SLC19A1: variants seen among roughly 807,000 people sequenced by gnomAD.
SLC19A1 encodes solute carrier family 19 member 1.
In SLC19A1, 37 loss-of-function variants were observed where a neutral mutation model predicts 35.3. The ratio of observed to expected loss-of-function variants is 1.05; its 90% CI spans 0.81 to 1.38. The LOEUF is 1.38. Among genes scored for constraint, SLC19A1 ranks in the 40% most tolerant of loss-of-function variants. SLC19A1 has a pLI of 0.00. For missense variants in SLC19A1, 831 were observed against 826.9 expected (o/e 1.00, Z -0.06); for synonymous variants, 460 against 398.5 (o/e 1.15, Z -1.84).
upstream of SLC19A1, chr21:45,542,511 G>A (rs1232885698): frequency 1.3e-5 from 2 of 150,894 alleles, no homozygotes; most frequent in Non-Finnish European, 3.0e-5. Context: ...GCGTCCTGAG[G>A]GCGGGGCCTC....
chr21:45,507,642 G>A (rs548016223), downstream of SLC19A1: 1 of 1,561,596 alleles, frequency 6.4e-7, no homozygotes, highest in East Asian at 2.2e-5. Flanking sequence ...AGGACATGAG[G>A]GGGTATGTGC....
At position 45,534,485 on chromosome 21, in the gene SLC19A1, A is replaced by G; in HGVS notation, c.190-2337T>C. The G allele has an allele frequency of 2.9e-6, 4 of 1,372,702 alleles. No homozygotes were observed. Among genetic ancestry groups the G allele is most frequent in the Non-Finnish European group, 4.0e-6 (4 of 998,772 alleles). The allele number at this position is 1,372,702 out of a possible 1,614,324, so 85.0% of individuals were successfully genotyped here. On this transcript the variant is annotated intron_variant, in intron 2 of 5. Transcript: ENST00000311124. This position sits in a 1 kb window ranked among gnomAD's most constrained non-coding sequence, Gnocchi z 4.2. ...CAGCCAGCAGAGAGGCTCTCCCCAG[A>G]CCCCACGGCTCTCTGGAAAAGGGCG...
At chr21:45,521,592 T>C (rs1246235432) in intron 5 of SLC19A1, among the ~76,000 whole-genome samples, 1 of 152,194 alleles carries the variant, frequency 6.6e-6, no homozygotes, top group Non-Finnish European at 1.5e-5. Context: ...GTTGGAGGAA[T>C]CAAGTCTATC....
chr21:45,503,944 G>C, intron 3 of SLC19A1: 7 of 1,575,254 alleles, frequency 4.4e-6, no homozygotes, highest in Non-Finnish European at 5.2e-6. Flanking sequence ...AGTGCTGGGG[G>C]CTGCAGAGGG....
intron 1 of SLC19A1, among the ~76,000 whole-genome samples, chr21:45,549,465 G>C (rs1407661098): frequency 6.6e-6 from 1 of 151,038 alleles, no homozygotes; most frequent in Non-Finnish European, 1.5e-5. Flanking sequence ...CGATAAAATT[G>C]TTTTTTAAAA....
At chr21:45,560,843 G>A (rs992917578) in intron 1 of SLC19A1, among the ~76,000 whole-genome samples, 5 of 152,178 alleles carry the variant, frequency 3.3e-5, no homozygotes, top group African/African-American at 7.2e-5. Flanking sequence ...CCGGAGAATC[G>A]GCGCTGTCCT....
At chr21:45,504,640 C>A in intron 3 of SLC19A1, 1 of 1,274,032 alleles carries the variant, frequency 7.8e-7, no homozygotes, top group Non-Finnish European at 1.1e-6. Context: ...CGGCCTTCGA[C>A]ACCCGCGAAG....
intron 3 of SLC19A1, among the ~76,000 whole-genome samples, chr21:45,504,849 G>A (rs2037094654): frequency 6.6e-6 from 1 of 152,116 alleles, no homozygotes; most frequent in Non-Finnish European, 1.5e-5. Flanking sequence ...CAGGGTTTAG[G>A]CCCATCAGTC....
intron 3 of SLC19A1, among the ~76,000 whole-genome samples, chr21:45,504,799 C>T (rs978248144): frequency 4.6e-5 from 7 of 152,140 alleles, no homozygotes; most frequent in Admixed American, 2.0e-4. Flanking sequence ...GCTGGGGCCA[C>T]GTGCATCCAC....
chr21:45,528,069 G>T (rs1295094173), intron 4 of SLC19A1, among the ~76,000 whole-genome samples: 1 of 152,058 alleles, frequency 6.6e-6, no homozygotes, highest in African/African-American at 2.4e-5. Context: ...ACTGGAGACG[G>T]GGGGACAGTG....
In SLC19A1 at chr21:45,532,197, C is replaced by A. The variant is rs900270167; in HGVS notation, c.190-49G>T. On this transcript the variant is annotated intron_variant, in intron 2 of 5. Coordinates refer to ENST00000311124, the MANE Select transcript of SLC19A1 (RefSeq NM_194255.4). ...CCACCAGGTGTTAGCAATGCTGCCG[C>A]TGCGGCAGACACAGCCCGCCCGAGG... The A allele has an allele frequency of 2.0e-6, 3 of 1,481,592 alleles. No homozygotes were observed. In the African/African-American group the frequency reaches 4.2e-5, roughly 21 times the overall value. The allele number at this position is 1,481,592 out of a possible 1,614,324, so 91.8% of individuals were successfully genotyped here.
chr21:45,513,545 C>CT lies in SLC19A1; in HGVS notation c.*2112_*2113insA, dbSNP rs143456926. The stretch of plus-strand genomic sequence containing the variant: ...ACCCCTGAGATCCGGCAACATCAAC[C>CT]CGAGTCATTCGTTCTGTGGAGGGAC... On this transcript the variant is annotated 3_prime_UTR_variant, in exon 6 of 6. Transcript: ENST00000311124. 2 of 110,148 alleles carry CT rather than the reference C, an allele frequency of 1.8e-5. No individual in the cohort carries two copies. Among genetic ancestry groups the CT allele is most frequent in the African/African-American group, 9.0e-5 (2 of 22,114 alleles). 6.8% of individuals were successfully genotyped at this position (110,148 alleles called of 1,614,324 possible). A position where few individuals can be genotyped will look rare whatever the true frequency, so the allele number is the denominator to read the frequency against.
intron 3 of SLC19A1, chr21:45,503,828 G>C (rs946045594): frequency 7.8e-5 from 33 of 425,126 alleles, no homozygotes; most frequent in Non-Finnish European, 1.2e-4. Context: ...AAATAAAAAG[G>C]CACCATTAAC....
intron 3 of SLC19A1, chr21:45,505,547 A>C (rs1161076725): frequency 1.4e-6 from 1 of 710,676 alleles, no homozygotes; most frequent in South Asian, 1.5e-5. Context: ...ACAGGAGGCC[A>C]AGATGCGGTT....
At chr21:45,560,906 G>A (rs181045270) in intron 1 of SLC19A1, among the ~76,000 whole-genome samples, 13 of 152,352 alleles carry the variant, frequency 8.5e-5, no homozygotes, top group East Asian at 3.9e-4. Context: ...GCGCTCTCAC[G>A]GCTGGCGGAG....
chr21:45,538,020 G>T lies in SLC19A1; in HGVS notation c.-49-12C>A. 7.3e-7 allele frequency: 1 copy of T among 1,369,288 alleles called. No individual in the cohort carries two copies. The highest frequency in any genetic ancestry group is 9.7e-7 in the Non-Finnish European group (1 of 1,034,550). 84.8% of individuals were successfully genotyped at this position (1,369,288 alleles called of 1,614,324 possible). A position where few individuals can be genotyped will look rare whatever the true frequency, so the allele number is the denominator to read the frequency against. On this transcript the variant is annotated splice_polypyrimidine_tract_variant and intron_variant, in intron 1 of 5. Coordinates refer to ENST00000311124, the MANE Select transcript of SLC19A1 (RefSeq NM_194255.4). ...AGGTGACGCTGTGCCTGGAAGGAGG[G>T]GTGGAGTCAGGGCACCTTGGAAGAT... is the stretch of plus-strand genomic sequence containing the variant.
chr21:45,529,664 GGT>G (rs1026568974), intron 4 of SLC19A1, among the ~76,000 whole-genome samples: 33 of 151,528 alleles, frequency 2.2e-4, no homozygotes, highest in South Asian at 6.3e-4. Flanking sequence ...GTGAACGTGT[GGT>G]GTGTGTCCAT....
chr21:45,504,207 C>T, intron 3 of SLC19A1: 1 of 967,470 alleles, frequency 1.0e-6, no homozygotes, highest in South Asian at 1.4e-5. Flanking sequence ...GGGCGTCCCT[C>T]AGGATGTTCC....
Position 45,529,165 on chromosome 21 carries a change from G to A in SLC19A1, c.1151+1605C>T, listed in dbSNP as rs559025066. ...GCCACACAGGAGCAGAAGGGGCCCC[G>A]AGTATGGCAGGGGCGGGAGAGAAGG... On this transcript the variant is annotated intron_variant, in intron 4 of 5. Coordinates refer to ENST00000311124, the MANE Select transcript of SLC19A1 (RefSeq NM_194255.4). Among the ~76,000 whole-genome samples the A allele has an allele frequency of 3.9e-5, 6 of 152,352 alleles. No individual in the cohort carries two copies. In the East Asian group the frequency reaches 9.6e-4, roughly 25 times the overall value.
Sources: gnomAD v4.1 joint callset for allele counts (sites outside exome capture counted in the v4.1 genomes callset) on GRCh38, gnomAD v4.1.1 for gene constraint, Gnocchi (gnomAD v3.1) non-coding constraint, MANE v1.5 for transcripts, NCBI Gene and HGNC (gene_info 2026-07-23, HGNC 2026-07-21) for gene names.